Variants in STX8 observed in about 807,000 individuals in gnomAD.
The protein encoded by STX8 is syntaxin-8.
Under a neutral mutation model 37.5 loss-of-function variants are expected in STX8, and 23 were observed. That is an observed-to-expected ratio of 0.61 (90% CI 0.44 to 0.87). The LOEUF is 0.87. Among genes scored for constraint, STX8 ranks in the 40% least tolerant of loss-of-function variants. STX8 has a pLI of 0.00. For missense variants in STX8, 313 were observed against 284.7 expected (o/e 1.10, Z -0.71); for synonymous variants, 115 against 99.1 (o/e 1.16, Z -0.95).
At chr17:9,409,519 C>T (rs753338758) in intron 6 of STX8, among the ~76,000 whole-genome samples, 2 of 152,104 alleles carry the variant, frequency 1.3e-5, no homozygotes, top group South Asian at 4.1e-4. Context: ...TTTAGTTGTA[C>T]TTAATTGAAT....
At chr17:9,510,963 C>T (rs1905002324) in intron 4 of STX8, among the ~76,000 whole-genome samples, 1 of 151,868 alleles carries the variant, frequency 6.6e-6, no homozygotes, top group Non-Finnish European at 1.5e-5. Flanking sequence ...AGAATCATTA[C>T]AGGATACTAC....
chr17:9,415,799 T>C (rs1473156629), intron 6 of STX8, among the ~76,000 whole-genome samples: 2 of 152,182 alleles, frequency 1.3e-5, no homozygotes, highest in Non-Finnish European at 2.9e-5. Flanking sequence ...ATGGCTTTTC[T>C]TCTGTATCAT....
At chr17:9,563,151 C>CTATT (rs1567611440) in intron 2 of STX8, among the ~76,000 whole-genome samples, 6 of 141,102 alleles carry the variant, frequency 4.3e-5, no homozygotes, top group African/African-American at 1.6e-4. Flanking sequence ...ATTCATTCAT[C>CTATT]CATTTATTTA....
At chr17:9,463,670 G>A (rs1383813699) in intron 6 of STX8, among the ~76,000 whole-genome samples, 1 of 152,170 alleles carries the variant, frequency 6.6e-6, no homozygotes, top group African/African-American at 2.4e-5. Flanking sequence ...CACTTTGGGA[G>A]GCCGAGCTGG....
chr17:9,536,384 C>A (rs1049189120), intron 4 of STX8, among the ~76,000 whole-genome samples: 2 of 152,246 alleles, frequency 1.3e-5, no homozygotes, highest in Admixed American at 1.3e-4. Flanking sequence ...TGTCAATCAA[C>A]CCTCTCACTT....
At chr17:9,457,266 A>G (rs1905209707) in intron 6 of STX8, among the ~76,000 whole-genome samples, 1 of 152,226 alleles carries the variant, frequency 6.6e-6, no homozygotes, top group Non-Finnish European at 1.5e-5. Flanking sequence ...GGTTAAAATC[A>G]ACGTGTCAGA....
chr17:9,470,902 ATTTT>A (rs34845144), intron 6 of STX8, among the ~76,000 whole-genome samples: 2 of 147,060 alleles, frequency 1.4e-5, no homozygotes. Context: ...AATTTTTTGT[ATTTT>A]TTTTTTTTAG....
At chr17:9,424,665 C>G (rs1913561250) in intron 6 of STX8, among the ~76,000 whole-genome samples, 1 of 152,140 alleles carries the variant, frequency 6.6e-6, no homozygotes, top group Non-Finnish European at 1.5e-5. Flanking sequence ...GTTACAGAAT[C>G]AGCTCTCTCA....
intron 4 of STX8, among the ~76,000 whole-genome samples, chr17:9,533,802 C>A (rs141906230): frequency 8.5e-5 from 13 of 152,322 alleles, no homozygotes; most frequent in African/African-American, 2.9e-4. Context: ...ACAGACACTA[C>A]AACTTGCCTA....
intron 4 of STX8, among the ~76,000 whole-genome samples, chr17:9,544,422 A>G (rs1186993373): frequency 6.6e-6 from 1 of 152,114 alleles, no homozygotes. Context: ...ACTGGCGAAG[A>G]ATGGGGAGGA....
chr17:9,425,269 T>C (rs1424029785), intron 6 of STX8, among the ~76,000 whole-genome samples: 1 of 152,146 alleles, frequency 6.6e-6, no homozygotes, highest in African/African-American at 2.4e-5. Context: ...TTCAACAAAA[T>C]CTCAGTAACG....
chr17:9,491,820 T>C lies in STX8; in HGVS notation c.541+9A>G, dbSNP rs765182147. The C allele has an allele frequency of 4.3e-5, 69 of 1,611,204 alleles. No individual in the cohort carries two copies. The highest frequency in any genetic ancestry group is 5.9e-5 in the Non-Finnish European group (69 of 1,178,600). ...CGGCAAATCTGGTCAATCCCAGACT[T>C]ATTCTTACCATTTTGTTCATCCAAT... On this transcript the variant is annotated intron_variant, in intron 6 of 7. Coordinates refer to ENST00000306357, the MANE Select transcript of STX8 (RefSeq NM_004853.3).
chr17:9,291,441 CA>C lies in STX8; in HGVS notation c.644-40797del, dbSNP rs371757156. 7.1e-3 allele frequency among the ~76,000 whole-genome samples: 605 copies of C among 85,024 alleles called. 3 individuals are homozygous for C. The highest frequency in any genetic ancestry group is 0.014 in the Middle Eastern group (2 of 146). 55.8% of individuals were successfully genotyped at this position (85,024 alleles called of 152,430 possible). A position where few individuals can be genotyped will look rare whatever the true frequency, so the allele number is the denominator to read the frequency against. ...GGGCGATGGGAGTGAGACTCGGTCTCAAAAAAAAAAAAAAAAAAAGTATGTT... is the reference window on the plus strand; with the variant it reads ...GGGCGATGGGAGTGAGACTCGGTCTCAAAAAAAAAAAAAAAAAAGTATGTT... On this transcript the variant is annotated intron_variant, in intron 7 of 7. Transcript: ENST00000306357.
intron 6 of STX8, among the ~76,000 whole-genome samples, chr17:9,383,008 C>T (rs1911873089): frequency 6.6e-6 from 1 of 152,082 alleles, no homozygotes; most frequent in Non-Finnish European, 1.5e-5. Flanking sequence ...GAATCCTGTT[C>T]CATGCATGAG....
chr17:9,396,086 A>G (rs1453488051), intron 6 of STX8, among the ~76,000 whole-genome samples: 1 of 145,300 alleles, frequency 6.9e-6, no homozygotes, highest in Non-Finnish European at 1.6e-5. Flanking sequence ...TTACTAAGGT[A>G]ACAACAATAA....
chr17:9,499,336 A>C (rs531741816), intron 5 of STX8, among the ~76,000 whole-genome samples: 2 of 152,318 alleles, frequency 1.3e-5, no homozygotes, highest in East Asian at 3.9e-4. Flanking sequence ...TTCTGTGTGA[A>C]GATTACTTCC....
intron 7 of STX8, among the ~76,000 whole-genome samples, chr17:9,284,830 T>G (rs2142156252): frequency 6.6e-6 from 1 of 152,290 alleles, no homozygotes; most frequent in East Asian, 1.9e-4. Flanking sequence ...CTCAAAAAGT[T>G]TCTGACTTGA....
At position 9,507,850 on chromosome 17, in the gene STX8, C is replaced by T. The variant is rs534021887; in HGVS notation, c.324-2688G>A. 1.3e-5 allele frequency among the ~76,000 whole-genome samples: 2 copies of T among 152,168 alleles called. No homozygotes were observed. The highest frequency in any genetic ancestry group is 2.9e-5 in the Non-Finnish European group (2 of 68,036). On this transcript the variant is annotated intron_variant, in intron 4 of 7. Transcript: ENST00000306357. The surrounding 1 kb of genome is among the most constrained non-coding windows in gnomAD (Gnocchi z 4.0). ...AGTTAAAGAAACTACACAAAAACTA[C>T]ACTACTATGCCCACCTGGAACCAAA...
chr17:9,488,309 A>T (rs965935306), intron 6 of STX8, among the ~76,000 whole-genome samples: 1 of 141,914 alleles, frequency 7.0e-6, no homozygotes, highest in African/African-American at 2.6e-5. Flanking sequence ...CTGGGCAACA[A>T]GGGCGAAACT....
Sources: allele counts gnomAD v4.1 joint callset (sites outside exome capture counted in the v4.1 genomes callset), GRCh38; gene constraint gnomAD v4.1.1; non-coding constraint Gnocchi (gnomAD v3.1); transcripts MANE v1.5; gene names NCBI Gene and HGNC (gene_info 2026-07-23, HGNC 2026-07-21).